Variants in AREL1 observed in about 807,000 individuals in gnomAD.
The protein encoded by AREL1 is apoptosis-resistant E3 ubiquitin protein ligase 1.
Under a neutral mutation model 99.0 loss-of-function variants are expected in AREL1, and 62 were observed. The ratio of observed to expected loss-of-function variants is 0.63; its 90% confidence interval spans 0.51 to 0.77. The LOEUF (loss-of-function observed/expected upper bound fraction) is 0.77. AREL1 is among the 30% of genes least tolerant of loss of function. The pLI is 0.00. For missense variants in AREL1, 879 were observed against 1,027.6 expected, an observed-to-expected ratio of 0.86 and a Z score of 1.98; for synonymous variants, 380 against 376.5, an observed-to-expected ratio of 1.01 and a Z score of -0.11.
intron 16 of AREL1, 22 bp downstream of exon 16, chr14:74,667,443 C>A: frequency 6.2e-7 from 1 of 1,614,000 alleles, no homozygotes; most frequent in Non-Finnish European, 8.5e-7. Flanking sequence ...AACTTCAAGG[C>A]CAAGAACAGA....
chr14:74,689,460 TCTC>T (rs1458629905), intron 2 of AREL1, among the ~76,000 whole-genome samples: 1 of 151,970 alleles, frequency 6.6e-6, no homozygotes. Flanking sequence ...GCATGGAAAA[TCTC>T]CTGATCCTGA....
chr14:74,675,663 G>C, intron 8 of AREL1, 36 bp downstream of exon 8: 1 of 1,602,340 alleles, frequency 6.2e-7, no homozygotes, highest in East Asian at 2.2e-5. Context: ...ACAGGTTCAA[G>C]CAGGGGGATT....
intron 1 of AREL1, 137 bp downstream of exon 1, chr14:74,712,796 G>A: frequency 2.7e-6 from 1 of 375,038 alleles, no homozygotes; most frequent in East Asian, 6.4e-5. Flanking sequence ...ACGCTACAGG[G>A]TGAGGAGAAT....
At chr14:74,687,616 T>C (rs1425231829) in intron 2 of AREL1, among the ~76,000 whole-genome samples, 1 of 152,192 alleles carries the variant, frequency 6.6e-6, no homozygotes, top group Admixed American at 6.5e-5. Flanking sequence ...AATGTGACCC[T>C]GGACAAGTCA....
Position 74,673,067 on chromosome 14 carries a change from G to A in AREL1, c.1300+10C>T. 1 of 1,614,126 alleles carries A rather than the reference G, an allele frequency of 6.2e-7. No homozygotes were observed. Among genetic ancestry groups the A allele is most frequent in the South Asian group, 1.1e-5 (1 of 91,082 alleles). On this transcript the variant is annotated intron_variant, in intron 10 of 19. Transcript: ENST00000356357. ...ACTACCTTCCCTATAGAATCCCTGT[G>A]TAACCTCACCTATGTTCTTATGCAG... is the stretch of plus-strand genomic sequence containing the variant.
intron 1 of AREL1, among the ~76,000 whole-genome samples, chr14:74,710,368 AGTT>A (rs1044932839): frequency 3.9e-5 from 6 of 152,284 alleles, no homozygotes; most frequent in South Asian, 2.1e-4. Flanking sequence ...CCTTTTTTTA[AGTT>A]GTTGTTGTTC....
intron 1 of AREL1, among the ~76,000 whole-genome samples, chr14:74,711,698 AAC>A (rs771982218): frequency 6.6e-6 from 1 of 152,120 alleles, no homozygotes; most frequent in African/African-American, 2.4e-5. Flanking sequence ...ACTATGAATA[AAC>A]ATAAGTCCTG....
chr14:74,662,726 G>C lies in AREL1; in HGVS notation c.*994C>G. 2.5e-6 allele frequency: 1 copy of C among 397,774 alleles called. No individual in the cohort carries two copies. The highest frequency in any genetic ancestry group is 4.4e-6 in the Non-Finnish European group (1 of 225,676). The allele number at this position is 397,774 out of a possible 1,614,324, so 24.6% of individuals were successfully genotyped here. On this transcript the variant is annotated 3_prime_UTR_variant, in exon 20 of 20. Transcript: ENST00000356357. ...CTAGTCCCTGTTCCTTTGTCTTAGTGCTGCCAGAGAACACCAAGCAGAGAG... is the reference window on the plus strand; with the variant it reads ...CTAGTCCCTGTTCCTTTGTCTTAGTCCTGCCAGAGAACACCAAGCAGAGAG...
In AREL1 at chr14:74,684,625, C is replaced by T. The variant is rs548614621; in HGVS notation, c.72G>A (p.Glu24=). The stretch of plus-strand genomic sequence containing the variant: ...GGAAGCTGACTACACGTGCGGCAAG[C>T]TCAAAGAGGAACTTAATTGTGAAGA... ...AFFFTIKFLF[E]LAARVVSFLQ... is the part of the protein sequence containing the mutation. Residue 24 remains glutamate, a synonymous_variant, in exon 4 of 20, where the codon GAG becomes GAA. Transcript: ENST00000356357. The T allele has an allele frequency of 5.0e-6, 8 of 1,614,206 alleles. No homozygotes were observed. In the African/African-American group the frequency reaches 1.1e-4, roughly 22 times the overall value.
Position 74,673,140 on chromosome 14 carries a change from G to T in AREL1, c.1237C>A (p.Leu413Ile). ...VDDGIQPPVE[L>I]SCKERNILAA... Reference sequence around the variant, plus strand: ...AGAATGTTCCTCTCCTTACAGCTGAGCTCCACAGGAGGTTGAATGCCATCA... The same window carrying T: ...AGAATGTTCCTCTCCTTACAGCTGATCTCCACAGGAGGTTGAATGCCATCA... Residue 413 changes from leucine (L) to isoleucine (I), a missense_variant, in exon 10 of 20, where the codon CTC (leucine) becomes ATC (isoleucine). Leu to Ile is a conservative substitution (Grantham distance 5). Coordinates refer to ENST00000356357, the MANE Select transcript of AREL1 (RefSeq NM_001039479.2). 6.2e-7 allele frequency: 1 copy of T among 1,614,180 alleles called. No individual in the cohort carries two copies. Among genetic ancestry groups the T allele is most frequent in the Non-Finnish European group, 8.5e-7 (1 of 1,180,042 alleles).
In AREL1 at chr14:74,683,476, G is replaced by A; in HGVS notation, c.301C>T (p.His101Tyr). Reference sequence around the variant, plus strand: ...ACTGCTAGCTCGACATGAGAGATGTGAACTCTTAGTCCCACAGGCCGATGT... The same window carrying A: ...ACTGCTAGCTCGACATGAGAGATGTAAACTCTTAGTCCCACAGGCCGATGT... ...PAHRPVGLRV[H>Y]ISHVELAVEI... The change falls in exon 5 of 20, where the codon CAC (histidine) becomes TAC (tyrosine). Residue 101 changes from histidine (H) to tyrosine (Y), a missense_variant. His to Tyr is a moderately conservative substitution (Grantham distance 83). Coordinates refer to ENST00000356357, the MANE Select transcript of AREL1 (RefSeq NM_001039479.2). 6.2e-7 allele frequency: 1 copy of A among 1,614,078 alleles called. No homozygotes were observed. The highest frequency in any genetic ancestry group is 8.5e-7 in the Non-Finnish European group (1 of 1,180,004).
At chr14:74,711,131 T>G (rs1043269840) in intron 1 of AREL1, among the ~76,000 whole-genome samples, 2 of 151,614 alleles carry the variant, frequency 1.3e-5, no homozygotes, top group African/African-American at 4.9e-5. Context: ...CTCAGGAGGC[T>G]GAGGCAGGAG....
chr14:74,684,368 G>A (rs1399383446), intron 4 of AREL1, 86 bp downstream of exon 4: 5 of 1,198,064 alleles, frequency 4.2e-6, no homozygotes, highest in Non-Finnish European at 6.1e-6. Flanking sequence ...AAGAGAAAAT[G>A]TTAACATTCC....
intron 15 of AREL1, among the ~76,000 whole-genome samples, chr14:74,668,966 C>T (rs938191723): frequency 6.6e-6 from 1 of 152,216 alleles, no homozygotes; most frequent in East Asian, 1.9e-4. Flanking sequence ...CAGCCTTAAC[C>T]TCCTGGGCTC....
At chr14:74,684,888 C>T (rs145513228) in intron 3 of AREL1, among the ~76,000 whole-genome samples, 36 of 152,332 alleles carry the variant, frequency 2.4e-4, no homozygotes, top group African/African-American at 8.2e-4. Context: ...CAGGCCAAAG[C>T]CCACCCACTG....
At chr14:74,685,274 C>T (rs1441413715) in intron 3 of AREL1, among the ~76,000 whole-genome samples, 1 of 152,144 alleles carries the variant, frequency 6.6e-6, no homozygotes, top group African/African-American at 2.4e-5. Context: ...CTTTTCTGGG[C>T]TCCTTCAAAC....
intron 5 of AREL1, among the ~76,000 whole-genome samples, chr14:74,681,861 AAATGT>A (rs1316990710): frequency 6.6e-6 from 1 of 151,866 alleles, no homozygotes; most frequent in African/African-American, 2.4e-5. Context: ...GTGATGATGG[AAATGT>A]TCTGTACCTT....
chr14:74,674,228 G>A, intron 8 of AREL1, 117 bp from the exon 9 acceptor site: 17 of 774,024 alleles, frequency 2.2e-5, no homozygotes, highest in Middle Eastern at 3.1e-4. Flanking sequence ...TCCTCTCCAT[G>A]GACAAAAGTA....
rs796597875 is a variant in AREL1, at chr14:74,670,259, A to G, written c.1609-133T>C. ...GAGGATCAGAGCCCATCCAAATGTT[A>G]GTTTTTTGGTAGCCACCACTGAGTA... On this transcript the variant is annotated intron_variant, in intron 13 of 19. Coordinates refer to ENST00000356357, the MANE Select transcript of AREL1 (RefSeq NM_001039479.2). The G allele has an allele frequency of 5.5e-5, 49 of 884,244 alleles. No homozygotes were observed. In the African/African-American group the frequency reaches 7.9e-4, roughly 14 times the overall value. 54.8% of individuals were successfully genotyped at this position (884,244 alleles called of 1,614,324 possible).
Sources: gnomAD v4.1 joint callset for allele counts (sites outside exome capture counted in the v4.1 genomes callset) on GRCh38, gnomAD v4.1.1 for gene constraint, MANE v1.5 for transcripts, NCBI Gene and HGNC (gene_info 2026-07-23, HGNC 2026-07-21) for gene names.